Variants in PLB1 observed in about 807,000 individuals in gnomAD.
PLB1 encodes the protein phospholipase B1.
PLB1 carries 242 observed loss-of-function variants against 227.4 expected under a neutral mutation model. The observed-to-expected ratio is 1.06, with a 90% CI of 0.96 to 1.18. The LOEUF is 1.18. PLB1 is among the 50% of genes most tolerant of loss of function. The pLI is 0.00. For synonymous variants in PLB1, 757 were observed against 682.2 expected (o/e 1.11, Z -1.71); for missense variants, 1,858 against 1,816.3 (o/e 1.02, Z -0.42).
At chr2:28,607,836 A>G (rs1216556437) in intron 43 of PLB1, among the ~76,000 whole-genome samples, 1 of 152,154 alleles carries the variant, frequency 6.6e-6, no homozygotes, top group Non-Finnish European at 1.5e-5. Context: ...CATACTGAAT[A>G]TCAGCCATGG....
intron 43 of PLB1, among the ~76,000 whole-genome samples, chr2:28,611,425 C>T (rs1032614778): frequency 6.6e-6 from 1 of 152,156 alleles, no homozygotes; most frequent in Non-Finnish European, 1.5e-5. Context: ...GCTCCTTTGA[C>T]GTGCAGGGAG....
intron 34 of PLB1, among the ~76,000 whole-genome samples, chr2:28,598,290 T>A (rs1430150799): frequency 6.6e-6 from 1 of 152,220 alleles, no homozygotes; most frequent in African/African-American, 2.4e-5. Context: ...CAATCTCCGA[T>A]GTGCTTGTCA....
chr2:28,632,221 C>CT (rs3071742), intron 55 of PLB1, 81 bp downstream of exon 55: 91,522 of 880,600 alleles, frequency 0.1, 430 homozygotes, highest in Non-Finnish European at 0.12. Flanking sequence ...TCTAAGTGGG[C>CT]TTTTTTTTTT....
At chr2:28,528,140 G>C (rs1279623385) in intron 6 of PLB1, among the ~76,000 whole-genome samples, 1 of 152,204 alleles carries the variant, frequency 6.6e-6, no homozygotes. Flanking sequence ...CAAGTGACCA[G>C]TCCCCTGACT....
At chr2:28,575,939 AG>A (rs1196635204) in intron 21 of PLB1, among the ~76,000 whole-genome samples, 12 of 152,216 alleles carry the variant, frequency 7.9e-5, no homozygotes, top group Non-Finnish European at 1.5e-4. Flanking sequence ...CTGCTTTAAT[AG>A]TACCATAATC....
chr2:28,635,072 T>A (rs1205189308), intron 56 of PLB1, among the ~76,000 whole-genome samples: 1 of 152,190 alleles, frequency 6.6e-6, no homozygotes, highest in African/African-American at 2.4e-5. Flanking sequence ...ACTGGAGCTA[T>A]TGTGGAAACA....
chr2:28,604,520 T>C, intron 40 of PLB1, 135 bp from the exon 41 acceptor site: 2 of 625,348 alleles, frequency 3.2e-6, no homozygotes, highest in Non-Finnish European at 5.6e-6. Flanking sequence ...CCTCAGGTGA[T>C]TTGTGTTCTC....
intron 51 of PLB1, among the ~76,000 whole-genome samples, chr2:28,627,398 C>T (rs1199609901): frequency 2.0e-5 from 3 of 152,158 alleles, no homozygotes; most frequent in Non-Finnish European, 2.9e-5. Context: ...GGGAAATGCC[C>T]TCTACTAGTC....
At chr2:28,522,377 T>A (rs1166218969) in intron 4 of PLB1, among the ~76,000 whole-genome samples, 2 of 152,036 alleles carry the variant, frequency 1.3e-5, no homozygotes, top group Non-Finnish European at 2.9e-5. Flanking sequence ...TAAATTGCAC[T>A]TGTGACTGTG....
At chr2:28,529,929 C>T in intron 8 of PLB1, 150 bp downstream of exon 8, 1 of 634,626 alleles carries the variant, frequency 1.6e-6, no homozygotes, top group Non-Finnish European at 2.7e-6. Context: ...CTGCCATTCT[C>T]TGGCGGTCAT....
rs996992007 is a variant in PLB1, at chr2:28,526,307, G to A, written c.325+362G>A. 3.3e-5 allele frequency among the ~76,000 whole-genome samples: 5 copies of A among 151,962 alleles called. No individual in the cohort carries two copies. The East Asian group carries it at 5.8e-4, about 18-fold the overall frequency. ...TAGACTTCATCCAGGGAAAATGCCC[G>A]TGGTTCACTCCTCCCACCCAAGGGG... On this transcript the variant is annotated intron_variant, in intron 6 of 57. Transcript: ENST00000327757.
rs771033338 is a variant in PLB1 at position 28,614,077 on chromosome 2, C to T, written c.3176C>T (p.Pro1059Leu). The T allele has an allele frequency of 6.2e-7, 1 of 1,613,060 alleles. No homozygotes were observed. Among genetic ancestry groups the T allele is most frequent in the Non-Finnish European group, 8.5e-7 (1 of 1,179,144 alleles). Residue 1059 changes from proline (P) to leucine (L), a missense_variant, in exon 44 of 58, where the codon CCC becomes CTC. Transcript: ENST00000327757. The stretch of plus-strand genomic sequence containing the variant: ...CCTCGGAATAGTAACTACACGTACC[C>T]CATCAAGCCAGCCATTGAGGTAACC... ...RTPRNSNYTYPIKPAIENWGS... is the reference protein window; with the variant it reads ...RTPRNSNYTYLIKPAIENWGS...
chr2:28,502,202 CATTTT>C (rs1572617650), intron 1 of PLB1, among the ~76,000 whole-genome samples: 1 of 152,100 alleles, frequency 6.6e-6, no homozygotes, highest in Admixed American at 6.5e-5. Context: ...AGGTAAGAAA[CATTTT>C]AGTTTATCTT....
chr2:28,541,984 T>C (rs1300610560), intron 13 of PLB1, among the ~76,000 whole-genome samples, 173 bp downstream of exon 13: 1 of 152,068 alleles, frequency 6.6e-6, no homozygotes, highest in African/African-American at 2.4e-5. Flanking sequence ...AATACAAAAA[T>C]TAGCCAGGCA....
intron 21 of PLB1, among the ~76,000 whole-genome samples, chr2:28,573,780 C>T (rs759505649): frequency 6.6e-6 from 1 of 152,230 alleles, no homozygotes; most frequent in Non-Finnish European, 1.5e-5. Context: ...CTCTCTAAGC[C>T]TCAGACTCTA....
At chr2:28,630,791 C>A in intron 54 of PLB1, 127 bp downstream of exon 54, 1 of 704,426 alleles carries the variant, frequency 1.4e-6, no homozygotes, top group South Asian at 2.1e-5. Flanking sequence ...GATTGCAGCC[C>A]CTGAAATACT....
At chr2:28,561,017 G>A (rs1675979739) in intron 17 of PLB1, among the ~76,000 whole-genome samples, 1 of 152,172 alleles carries the variant, frequency 6.6e-6, no homozygotes, top group Non-Finnish European at 1.5e-5. Flanking sequence ...TATTCCTGAG[G>A]CTTAATTCAA....
At chr2:28,543,500 C>T (rs1391628619) in intron 14 of PLB1, among the ~76,000 whole-genome samples, 1 of 152,244 alleles carries the variant, frequency 6.6e-6, no homozygotes, top group East Asian at 1.9e-4. Context: ...AAAGGTCTCA[C>T]AGGAGCCTCA....
At chr2:28,531,062 G>A (rs775767591) in intron 8 of PLB1, among the ~76,000 whole-genome samples, 22 of 152,110 alleles carry the variant, frequency 1.4e-4, no homozygotes, top group Non-Finnish European at 2.2e-4. Context: ...CAACTACATC[G>A]TGCTGCCTCT....
Sources: allele counts gnomAD v4.1 joint callset (sites outside exome capture counted in the v4.1 genomes callset), GRCh38; gene constraint gnomAD v4.1.1; transcripts MANE v1.5; gene names NCBI Gene and HGNC (gene_info 2026-07-23, HGNC 2026-07-21).